PRH1: variants seen among roughly 807,000 people sequenced by gnomAD.
PRH1 encodes salivary acidic proline-rich phosphoprotein 1/2.
Under a neutral mutation model 7.9 loss-of-function variants are expected in PRH1, and 7 were observed. The ratio of observed to expected loss-of-function variants is 0.89; its 90% CI spans 0.50 to 1.67. The LOEUF (loss-of-function observed/expected upper bound fraction) is 1.67. Among genes scored for constraint, PRH1 ranks in the 40% most tolerant of loss-of-function variants. The pLI, the probability that PRH1 is intolerant of heterozygous loss-of-function variation, is 0.00. For synonymous variants in PRH1, 45 were observed against 80.8 expected, an observed-to-expected ratio of 0.56 and a Z score of 2.38; for missense variants, 109 against 223.6, an observed-to-expected ratio of 0.49 and a Z score of 3.27.
intron 2 of PRH1, among the ~76,000 whole-genome samples, chr12:10,956,891 G>C (rs1937990563): frequency 6.6e-6 from 1 of 152,024 alleles, no homozygotes; most frequent in African/African-American, 2.4e-5. Flanking sequence ...TATTACAAGA[G>C]ACTGTTCAAT....
intron 1 of PRH1, among the ~76,000 whole-genome samples, chr12:11,012,241 A>G (rs1014197976): frequency 1.3e-5 from 2 of 152,018 alleles, no homozygotes; most frequent in African/African-American, 2.4e-5. Context: ...TCAATATTGG[A>G]TATTATTTCT....
intron 1 of PRH1, among the ~76,000 whole-genome samples, chr12:11,164,886 C>CA (rs999135560): frequency 6.6e-6 from 1 of 151,948 alleles, no homozygotes; most frequent in African/African-American, 2.4e-5. Context: ...AGAACATTTC[C>CA]ATCACCCCCA....
At chr12:11,046,344 G>T (rs1043017518) in intron 1 of PRH1, among the ~76,000 whole-genome samples, 1 of 152,120 alleles carries the variant, frequency 6.6e-6, no homozygotes, top group African/African-American at 2.4e-5. Flanking sequence ...CATGAAGTCT[G>T]CCCTATACAT....
Position 10,884,213 on chromosome 12 carries a change from A to C in PRH1, c.5T>G (p.Leu2Arg). 1 of 1,614,200 alleles carries C rather than the reference A, an allele frequency of 6.2e-7. No individual in the cohort carries two copies. The highest frequency in any genetic ancestry group is 8.5e-7 in the Non-Finnish European group (1 of 1,180,022). M[L>R]LILLSVALLA... ...CAGGGCCACTGACAGCAGAATCAGA[A>C]GCATCTTGCAGGAGGCTCTGGTGTC... Residue 2 changes from leucine to arginine, a missense_variant, in exon 1 of 4, where the codon CTT becomes CGT. By Grantham distance (102) the Leu-to-Arg change is moderately radical. Transcript: ENST00000543626.
intron 2 of PRH1, among the ~76,000 whole-genome samples, chr12:10,948,815 A>G (rs1463430918): frequency 6.6e-6 from 1 of 152,022 alleles, no homozygotes; most frequent in African/African-American, 2.4e-5. Context: ...CACCAGGGAG[A>G]GCCTTTGTGT....
intron 2 of PRH1, among the ~76,000 whole-genome samples, chr12:10,921,338 T>C (rs2135847806): frequency 6.6e-6 from 1 of 152,226 alleles, no homozygotes; most frequent in Non-Finnish European, 1.5e-5. Flanking sequence ...CCATTCAAAA[T>C]CTTTGAAATT....
At chr12:11,025,166 C>T (rs185773919) in intron 1 of PRH1, among the ~76,000 whole-genome samples, 20 of 152,116 alleles carry the variant, frequency 1.3e-4, no homozygotes, top group East Asian at 3.9e-4. Context: ...TGCAGGTGCC[C>T]GCCACCACGC....
At chr12:10,884,015 A>C (rs1450262243) in intron 1 of PRH1, 139 bp downstream of exon 1, 5 of 972,300 alleles carry the variant, frequency 5.1e-6, no homozygotes, top group Non-Finnish European at 7.7e-6. Context: ...GGTACAATAG[A>C]TCTTCTGATC....
chr12:11,031,772 G>A (rs1565574265), intron 1 of PRH1, among the ~76,000 whole-genome samples: 1 of 152,070 alleles, frequency 6.6e-6, no homozygotes, highest in African/African-American at 2.4e-5. Flanking sequence ...GTTTTACAGT[G>A]CACTGTTTGG....
At chr12:11,157,213 A>G (rs1947278939) in intron 1 of PRH1, among the ~76,000 whole-genome samples, 1 of 152,240 alleles carries the variant, frequency 6.6e-6, no homozygotes, top group Non-Finnish European at 1.5e-5. Flanking sequence ...TGCAAGTAGC[A>G]GCTTCTCTGT....
chr12:11,036,371 A>T (rs1942434617), intron 1 of PRH1, among the ~76,000 whole-genome samples: 1 of 152,172 alleles, frequency 6.6e-6, no homozygotes, highest in South Asian at 2.1e-4. Flanking sequence ...CCACCATTTA[A>T]TCCTATCCAT....
chr12:10,971,823 G>GT (rs1220520991), intron 2 of PRH1, among the ~76,000 whole-genome samples: 1 of 151,596 alleles, frequency 6.6e-6, no homozygotes, highest in Admixed American at 6.6e-5. Context: ...ATTTTAAAAC[G>GT]TAACTTTAGT....
intron 2 of PRH1, among the ~76,000 whole-genome samples, chr12:10,914,683 G>A (rs1053406939): frequency 5.3e-5 from 8 of 152,128 alleles, no homozygotes; most frequent in Admixed American, 5.2e-4. Flanking sequence ...TAACACAAGT[G>A]ACTTCATTTT....
At chr12:10,907,304 T>C (rs1045509481) in intron 2 of PRH1, among the ~76,000 whole-genome samples, 2 of 152,204 alleles carry the variant, frequency 1.3e-5, no homozygotes, top group African/African-American at 2.4e-5. Flanking sequence ...AATGTTGATA[T>C]CAGTTTTATT....
At chr12:11,033,150 C>T (rs1219738914) in intron 1 of PRH1, among the ~76,000 whole-genome samples, 9 of 152,156 alleles carry the variant, frequency 5.9e-5, no homozygotes, top group Admixed American at 1.3e-4. Context: ...AGGCAGATTA[C>T]GAGGTCAAGA....
At chr12:10,998,894 C>T (rs570696800) in intron 1 of PRH1, among the ~76,000 whole-genome samples, 12 of 152,212 alleles carry the variant, frequency 7.9e-5, no homozygotes, top group African/African-American at 2.9e-4. Flanking sequence ...TTTGAGATGA[C>T]CTCCACATTA....
intron 1 of PRH1, chr12:11,077,081 T>A (rs1340223377): frequency 8.7e-6 from 1 of 115,448 alleles, no homozygotes; most frequent in South Asian, 2.3e-4. Context: ...TATAAGAAAA[T>A]ATACATACAT....
chr12:11,022,347 T>C, intron 1 of PRH1: 2 of 1,614,106 alleles, frequency 1.2e-6, no homozygotes, highest in East Asian at 4.5e-5. Context: ...CTAAACCATA[T>C]AAAGCAGAAT....
chr12:10,999,024 G>A (rs932485905), intron 1 of PRH1, among the ~76,000 whole-genome samples: 10 of 151,886 alleles, frequency 6.6e-5, no homozygotes, highest in Non-Finnish European at 1.0e-4. Context: ...GCCTTAAATC[G>A]GCCAAACTCT....
Sources: gnomAD v4.1 joint callset for allele counts (sites outside exome capture counted in the v4.1 genomes callset) on GRCh38, gnomAD v4.1.1 for gene constraint, MANE v1.5 for transcripts, NCBI Gene and HGNC (gene_info 2026-07-23, HGNC 2026-07-21) for gene names.